Variants in DGKI observed in about 807,000 individuals in gnomAD.
DGKI encodes DAG kinase iota.
In DGKI, 55 loss-of-function variants were observed where a neutral mutation model predicts 147.5. That is an observed-to-expected ratio of 0.37 (90% CI 0.30 to 0.47). The LOEUF (loss-of-function observed/expected upper bound fraction) is 0.47, where lower values mean the gene tolerates loss of function less well. Among genes scored for constraint, DGKI ranks in the 20% least tolerant of loss-of-function variants. DGKI has a pLI of 1.00. For synonymous variants in DGKI, 469 were observed against 477.1 expected, an observed-to-expected ratio of 0.98 and a Z score of 0.22; for missense variants, 1,007 against 1,323.8, an observed-to-expected ratio of 0.76 and a Z score of 3.71.
At chr7:137,454,097 A>G (rs1277130825) in intron 27 of DGKI, among the ~76,000 whole-genome samples, 2 of 152,178 alleles carry the variant, frequency 1.3e-5, no homozygotes, top group East Asian at 3.8e-4. Context: ...GATATAATAT[A>G]TTCTTAAAAA....
At chr7:137,795,973 C>T (rs1797013457) in intron 1 of DGKI, among the ~76,000 whole-genome samples, 1 of 152,196 alleles carries the variant, frequency 6.6e-6, no homozygotes, top group Non-Finnish European at 1.5e-5. Flanking sequence ...TACAAACACA[C>T]AGCATCAACA....
chr7:137,836,746 AAGCT>A (rs1477436432), intron 1 of DGKI, among the ~76,000 whole-genome samples: 1 of 152,202 alleles, frequency 6.6e-6, no homozygotes, highest in Non-Finnish European at 1.5e-5. Context: ...ACACCATGGA[AAGCT>A]CAATCTTGGC....
At chr7:137,842,617 T>A (rs1331401870) in intron 1 of DGKI, among the ~76,000 whole-genome samples, 1 of 152,192 alleles carries the variant, frequency 6.6e-6, no homozygotes, top group African/African-American at 2.4e-5. Context: ...CAGCTCTTCA[T>A]TGGACCTAGG....
intron 1 of DGKI, among the ~76,000 whole-genome samples, chr7:137,740,595 C>T (rs1795147890): frequency 6.6e-6 from 1 of 152,130 alleles, no homozygotes; most frequent in South Asian, 2.1e-4. Flanking sequence ...CCAGACCAGC[C>T]CAATACTTTT....
intron 1 of DGKI, among the ~76,000 whole-genome samples, chr7:137,742,072 C>A (rs1314778448): frequency 6.6e-6 from 1 of 152,164 alleles, no homozygotes; most frequent in Non-Finnish European, 1.5e-5. Flanking sequence ...AATATCTATT[C>A]TTTAATAACG....
At chr7:137,697,058 A>G (rs1823814499) in intron 1 of DGKI, among the ~76,000 whole-genome samples, 2 of 152,184 alleles carry the variant, frequency 1.3e-5, no homozygotes, top group African/African-American at 4.8e-5. Flanking sequence ...CAGCCCTCAG[A>G]GAGAACCAAC....
intron 1 of DGKI, among the ~76,000 whole-genome samples, chr7:137,733,853 T>C (rs1262715076): frequency 2.0e-5 from 3 of 152,014 alleles, no homozygotes; most frequent in African/African-American, 7.2e-5. Flanking sequence ...GGAGGTAAGG[T>C]AGTGGTCACT....
intron 28 of DGKI, among the ~76,000 whole-genome samples, chr7:137,422,962 C>T (rs755378634): frequency 1.5e-4 from 23 of 152,236 alleles, no homozygotes; most frequent in South Asian, 4.2e-4. Flanking sequence ...ACATTCTTTT[C>T]CCCTTCTTAA....
chr7:137,515,703 T>C (rs1415036776), intron 21 of DGKI, among the ~76,000 whole-genome samples: 1 of 152,130 alleles, frequency 6.6e-6, no homozygotes, highest in East Asian at 1.9e-4. Flanking sequence ...CCTCAATTGC[T>C]TTATATGTGA....
rs759334468 is a variant in DGKI, at chr7:137,395,704, C to G, written c.2958-7G>C. The stretch of plus-strand genomic sequence containing the variant: ...GTGCAGTGCAGTCTCACCCCTAAAT[C>G]AAAGATGAAATGGGAAACCACCCAT... On this transcript the variant is annotated splice_region_variant and splice_polypyrimidine_tract_variant and intron_variant, in intron 31 of 32. Transcript: ENST00000614521. The G allele has an allele frequency of 6.2e-7, 1 of 1,613,240 alleles. No individual in the cohort carries two copies. Among genetic ancestry groups the G allele is most frequent in the South Asian group, 1.1e-5 (1 of 91,046 alleles).
intron 25 of DGKI, among the ~76,000 whole-genome samples, 160 bp downstream of exon 25, chr7:137,466,742 A>G (rs1814676295): frequency 6.6e-6 from 1 of 152,184 alleles, no homozygotes; most frequent in Non-Finnish European, 1.5e-5. Context: ...ATCATAAAAC[A>G]CGTGAAGACA....
chr7:137,451,424 A>T (rs1361211067), intron 27 of DGKI, among the ~76,000 whole-genome samples: 1 of 152,212 alleles, frequency 6.6e-6, no homozygotes, highest in Non-Finnish European at 1.5e-5. Flanking sequence ...TAAGAAACTC[A>T]AAGATACTTT....
rs187041379 is a variant in DGKI, at chr7:137,571,959, C to T, written c.1836-673G>A. On this transcript the variant is annotated intron_variant, in intron 18 of 32. Transcript: ENST00000614521. ...GCTTTCTGAGAATCAAGGCCTTCTA[C>T]TTCAATTAAGCTGTAAATATTTCTG... Among the ~76,000 whole-genome samples the T allele has an allele frequency of 9.8e-5, 15 of 152,308 alleles. No individual in the cohort carries two copies. In the East Asian group the frequency reaches 2.9e-3, roughly 29 times the overall value.
At chr7:137,680,993 A>C (rs907518485) in intron 2 of DGKI, among the ~76,000 whole-genome samples, 1 of 152,146 alleles carries the variant, frequency 6.6e-6, no homozygotes, top group Non-Finnish European at 1.5e-5. Flanking sequence ...GGATCCAAGA[A>C]AGGTGGGTCC....
intron 17 of DGKI, among the ~76,000 whole-genome samples, chr7:137,574,439 G>A (rs1818900297): frequency 6.6e-6 from 1 of 152,162 alleles, no homozygotes; most frequent in Admixed American, 6.5e-5. Flanking sequence ...AACCTAGGAT[G>A]TGATATATTA....
At chr7:137,414,679 T>C (rs993858488) in intron 28 of DGKI, among the ~76,000 whole-genome samples, 3 of 152,152 alleles carry the variant, frequency 2.0e-5, no homozygotes, top group Admixed American at 1.3e-4. Flanking sequence ...TGTGAGCCTG[T>C]GTCCAGTGCC....
intron 20 of DGKI, among the ~76,000 whole-genome samples, chr7:137,547,503 A>C (rs144810585): frequency 2.0e-5 from 3 of 152,218 alleles, no homozygotes; most frequent in Admixed American, 1.3e-4. Flanking sequence ...TTTCACTTAT[A>C]AGACAATGTG....
intron 3 of DGKI, among the ~76,000 whole-genome samples, chr7:137,674,050 C>T (rs963212797): frequency 2.6e-5 from 4 of 152,172 alleles, no homozygotes; most frequent in Non-Finnish European, 5.9e-5. Flanking sequence ...TTTCCAGTGC[C>T]CATAATCAGG....
intron 28 of DGKI, among the ~76,000 whole-genome samples, chr7:137,443,175 T>C (rs1418048166): frequency 1.3e-5 from 2 of 152,154 alleles, no homozygotes; most frequent in African/African-American, 4.8e-5. Context: ...AAAGATTCCA[T>C]CATTTAGTGC....
Sources: allele counts gnomAD v4.1 joint callset (sites outside exome capture counted in the v4.1 genomes callset), GRCh38; gene constraint gnomAD v4.1.1; transcripts MANE v1.5; gene names NCBI Gene and HGNC (gene_info 2026-07-23, HGNC 2026-07-21).